TRIM23: variants seen among roughly 807,000 people sequenced by gnomAD.
The protein encoded by TRIM23 is tripartite motif containing 23.
A neutral mutation model predicts 71.0 loss-of-function variants in TRIM23; 27 were observed. The observed-to-expected ratio is 0.38, with a 90% CI of 0.28 to 0.52. The LOEUF (loss-of-function observed/expected upper bound fraction) is 0.52. Among genes scored for constraint, TRIM23 ranks in the 20% least tolerant of loss-of-function variants. The pLI, the probability that TRIM23 is intolerant of heterozygous loss-of-function variation, is 0.84. For synonymous variants in TRIM23, 234 were observed against 238.0 expected (o/e 0.98, Z 0.16); for missense variants, 482 against 692.3 (o/e 0.70, Z 3.41).
intron 4 of TRIM23, 108 bp downstream of exon 4, chr5:65,611,495 C>T (rs1391377648): frequency 7.9e-7 from 1 of 1,271,382 alleles, no homozygotes; most frequent in Non-Finnish European, 1.1e-6. Context: ...CATCACTTAA[C>T]TCTTCTTCAA....
In TRIM23 at chr5:65,591,748, AAAC is replaced by A. The variant is rs546107130; in HGVS notation, c.*18_*20del. ...AAGTTACTTTTAACCACAAAACTTC[AAAC>A]AACTGCTGCCTTTAAAATCAAGCAA... On this transcript the variant is annotated 3_prime_UTR_variant, in exon 11 of 11. Coordinates refer to ENST00000231524, the MANE Select transcript of TRIM23 (RefSeq NM_001656.4). The A allele has an allele frequency of 7.2e-4, 1,148 of 1,588,408 alleles. 5 individuals are homozygous for A. In the African/African-American group the frequency reaches 0.013, roughly 18 times the overall value.
chr5:65,593,954 A>C (rs1754119028), intron 10 of TRIM23, among the ~76,000 whole-genome samples: 1 of 151,994 alleles, frequency 6.6e-6, no homozygotes, highest in Admixed American at 6.6e-5. Flanking sequence ...CATTTTGATG[A>C]CTCCTCCTTG....
At chr5:65,592,011 C>T (rs550561573) in intron 10 of TRIM23, 63 bp from the exon 11 acceptor site, 6 of 1,467,272 alleles carry the variant, frequency 4.1e-6, no homozygotes, top group Non-Finnish European at 5.5e-6. Context: ...CTAATTATCA[C>T]CATTTATAGA....
intron 7 of TRIM23, among the ~76,000 whole-genome samples, chr5:65,602,023 CA>C (rs1237048826): frequency 6.6e-6 from 1 of 152,216 alleles, no homozygotes; most frequent in Non-Finnish European, 1.5e-5. Context: ...GGCCTAGAGA[CA>C]TTTTCCCCTT....
intron 2 of TRIM23, among the ~76,000 whole-genome samples, chr5:65,617,591 CA>C (rs931100372): frequency 1.3e-5 from 2 of 151,146 alleles, no homozygotes; most frequent in African/African-American, 2.4e-5. Flanking sequence ...CAGAAAACTG[CA>C]AAAAAAAGCC....
chr5:65,619,628 C>T (rs114464158), intron 1 of TRIM23, among the ~76,000 whole-genome samples: 1,836 of 152,208 alleles, frequency 0.012, 19 homozygotes, highest in Non-Finnish European at 0.019. Context: ...TGCTTTGCAT[C>T]TTATCATGGT....
intron 6 of TRIM23, among the ~76,000 whole-genome samples, chr5:65,607,386 A>G (rs1301901077): frequency 6.6e-6 from 1 of 152,146 alleles, no homozygotes; most frequent in Non-Finnish European, 1.5e-5. Context: ...TGATTGGATT[A>G]TTGGGGCAGT....
intron 10 of TRIM23, among the ~76,000 whole-genome samples, chr5:65,593,932 C>T (rs1179671562): frequency 6.6e-6 from 1 of 152,124 alleles, no homozygotes; most frequent in African/African-American, 2.4e-5. Flanking sequence ...ATCTTATTAC[C>T]CACTAATCCA....
Position 65,591,367 on chromosome 5 carries a change from C to T in TRIM23, c.*402G>A. 1.3e-6 allele frequency: 2 copies of T among 1,518,400 alleles called. No homozygotes were observed. The highest frequency in any genetic ancestry group is 2.2e-5 in the Admixed American group (1 of 44,766). The allele number at this position is 1,518,400 out of a possible 1,614,324, so 94.1% of individuals were successfully genotyped here. On this transcript the variant is annotated 3_prime_UTR_variant, in exon 11 of 11. Transcript: ENST00000231524. Reference sequence around the variant, plus strand: ...AGGCAGGTTAAAAGAAGCAGCTATACTTCACTTGCTTCACACAGAGGTCTC... The same window carrying T: ...AGGCAGGTTAAAAGAAGCAGCTATATTTCACTTGCTTCACACAGAGGTCTC...
At chr5:65,620,301 T>C (rs1754896329) in intron 1 of TRIM23, among the ~76,000 whole-genome samples, 1 of 152,144 alleles carries the variant, frequency 6.6e-6, no homozygotes, top group Admixed American at 6.6e-5. Flanking sequence ...GTAATTCTAG[T>C]TGCAGGAATT....
chr5:65,591,152 T>C lies in TRIM23; in HGVS notation c.*617A>G. Reference sequence around the variant, plus strand: ...TCATTGTGTTTTATACAAAATGCTGTAGGAGAAAGTTAATAAAACACTATA... The same window carrying C: ...TCATTGTGTTTTATACAAAATGCTGCAGGAGAAAGTTAATAAAACACTATA... On this transcript the variant is annotated 3_prime_UTR_variant, in exon 11 of 11. Transcript: ENST00000231524. 1 of 1,062,392 alleles carries C rather than the reference T, an allele frequency of 9.4e-7. No homozygotes were observed. The highest frequency in any genetic ancestry group is 1.1e-6 in the Non-Finnish European group (1 of 879,286). The allele number at this position is 1,062,392 out of a possible 1,614,324, so 65.8% of individuals were successfully genotyped here. A position where few individuals can be genotyped will look rare whatever the true frequency, so the allele number is the denominator to read the frequency against.
At chr5:65,616,200 G>C (rs1283069446) in intron 2 of TRIM23, among the ~76,000 whole-genome samples, 1 of 152,190 alleles carries the variant, frequency 6.6e-6, no homozygotes, top group East Asian at 1.9e-4. Flanking sequence ...TTGGACTAGA[G>C]AGAAATTCTG....
chr5:65,613,983 G>A, intron 3 of TRIM23, 115 bp downstream of exon 3: 2 of 1,541,204 alleles, frequency 1.3e-6, no homozygotes, highest in South Asian at 2.4e-5. Context: ...ATGAAAAGTT[G>A]TGTTTCTAGA....
intron 2 of TRIM23, among the ~76,000 whole-genome samples, chr5:65,616,095 G>A (rs1211858774): frequency 6.6e-6 from 1 of 152,228 alleles, no homozygotes; most frequent in Non-Finnish European, 1.5e-5. Context: ...ATCACACAGT[G>A]ATGCGTAAGA....
intron 7 of TRIM23, among the ~76,000 whole-genome samples, chr5:65,602,874 T>G (rs1292279271): frequency 6.6e-6 from 1 of 152,180 alleles, no homozygotes; most frequent in Non-Finnish European, 1.5e-5. Flanking sequence ...TACCTCCCCC[T>G]GGGTCCCTCC....
intron 3 of TRIM23, among the ~76,000 whole-genome samples, chr5:65,613,153 T>C (rs1052184404): frequency 6.6e-6 from 1 of 152,142 alleles, no homozygotes; most frequent in Non-Finnish European, 1.5e-5. Flanking sequence ...ACATGTACCA[T>C]AAAAATTCAG....
chr5:65,603,395 C>A (rs984569386), intron 7 of TRIM23, among the ~76,000 whole-genome samples: 1 of 151,952 alleles, frequency 6.6e-6, no homozygotes, highest in Non-Finnish European at 1.5e-5. Context: ...TCTACTGCTA[C>A]AGAGTGATGT....
chr5:65,593,761 T>C (rs1172165838), intron 10 of TRIM23, among the ~76,000 whole-genome samples: 1 of 152,174 alleles, frequency 6.6e-6, no homozygotes, highest in East Asian at 1.9e-4. Flanking sequence ...CAGTTCTGCC[T>C]CAAAGTCTTT....
At chr5:65,608,944 G>GA (rs199943300) in intron 6 of TRIM23, among the ~76,000 whole-genome samples, 11,319 of 114,652 alleles carry the variant, frequency 0.099, 390 homozygotes, top group East Asian at 0.13. Context: ...ACTCCAAGCA[G>GA]AAAAAAAAAA....
Sources: allele counts gnomAD v4.1 joint callset (sites outside exome capture counted in the v4.1 genomes callset), GRCh38; gene constraint gnomAD v4.1.1; transcripts MANE v1.5; gene names NCBI Gene and HGNC (gene_info 2026-07-23, HGNC 2026-07-21).